ZFR: variants seen among roughly 807,000 people sequenced by gnomAD.
ZFR encodes the protein zinc finger RNA-binding protein.
Under a neutral mutation model 130.7 loss-of-function variants are expected in ZFR, and 19 were observed. The observed-to-expected ratio is 0.15, with a 90% confidence interval of 0.10 to 0.21. ZFR has a LOEUF of 0.21. Ranked by LOEUF, ZFR falls within the 10% of genes least tolerant of loss-of-function variation. The probability of loss-of-function intolerance (pLI) is 1.00; values close to 1 mark genes in which losing one functional copy is unlikely to be tolerated. For missense variants in ZFR, 872 were observed against 1,321.5 expected (o/e 0.66, Z 5.27); for synonymous variants, 466 against 456.9 (o/e 1.02, Z -0.25).
intron 2 of ZFR, among the ~76,000 whole-genome samples, chr5:32,432,300 G>A (rs967949706): frequency 6.6e-6 from 1 of 152,038 alleles, no homozygotes; most frequent in African/African-American, 2.4e-5. Context: ...TACCTTTCAG[G>A]GCAATACGGA....
intron 3 of ZFR, among the ~76,000 whole-genome samples, chr5:32,419,431 G>A (rs554005666): frequency 6.6e-6 from 1 of 152,200 alleles, no homozygotes; most frequent in Admixed American, 6.5e-5. Context: ...TCTGCCTCCT[G>A]GATTCAAGTG....
intron 2 of ZFR, among the ~76,000 whole-genome samples, chr5:32,421,412 T>C (rs1456510624): frequency 6.6e-6 from 1 of 152,164 alleles, no homozygotes; most frequent in Non-Finnish European, 1.5e-5. Context: ...AACATAGAAA[T>C]ATAGTATAGA....
chr5:32,389,922 G>A (rs1036200316), intron 12 of ZFR, among the ~76,000 whole-genome samples: 4 of 152,192 alleles, frequency 2.6e-5, no homozygotes, highest in South Asian at 2.1e-4. Context: ...AGGCCCAGGC[G>A]GACGGATCTC....
At chr5:32,374,883 CAT>C (rs977680459) in intron 17 of ZFR, among the ~76,000 whole-genome samples, 11 of 152,060 alleles carry the variant, frequency 7.2e-5, no homozygotes, top group Non-Finnish European at 1.0e-4. Flanking sequence ...GATGATGTCA[CAT>C]AAATTTTTAT....
chr5:32,355,883 T>C lies in ZFR; in HGVS notation c.3102A>G (p.Pro1034=). 1.9e-6 allele frequency: 3 copies of C among 1,611,674 alleles called. No homozygotes were observed. The highest frequency in any genetic ancestry group is 2.5e-6 in the Non-Finnish European group (3 of 1,179,240). ...TAAAACGTTGGCTCATTTGCGGTAATGGATCCATGCCTAGAACTTTGTGTA... is the reference window on the plus strand; with the variant it reads ...TAAAACGTTGGCTCATTTGCGGTAACGGATCCATGCCTAGAACTTTGTGTA... The part of the protein sequence containing the change: ...RQIHKVLGMD[P]LPQMSQRFNI... Residue 1034 remains proline (P), a synonymous_variant, in exon 20 of 20, where the codon CCA becomes CCG. Coordinates refer to ENST00000265069, the MANE Select transcript of ZFR (RefSeq NM_016107.5).
chr5:32,394,110 G>A (rs1337139216), intron 11 of ZFR, among the ~76,000 whole-genome samples: 3 of 152,178 alleles, frequency 2.0e-5, no homozygotes, highest in Admixed American at 6.5e-5. Flanking sequence ...GAAAATACGT[G>A]TATGGTATGT....
intron 17 of ZFR, among the ~76,000 whole-genome samples, chr5:32,375,119 T>TCC (rs1752770149): frequency 1.3e-5 from 2 of 152,204 alleles, no homozygotes; most frequent in Admixed American, 6.5e-5. Flanking sequence ...TTCTCATATG[T>TCC]ATGAAGAATC....
intron 2 of ZFR, among the ~76,000 whole-genome samples, chr5:32,428,879 C>G (rs1754135011): frequency 6.6e-6 from 1 of 151,824 alleles, no homozygotes; most frequent in African/African-American, 2.4e-5. Context: ...TCCGTGTTAG[C>G]AGAGACATGG....
At chr5:32,388,196 A>G (rs1412813244) in intron 13 of ZFR, among the ~76,000 whole-genome samples, 1 of 152,238 alleles carries the variant, frequency 6.6e-6, no homozygotes, top group Non-Finnish European at 1.5e-5. Flanking sequence ...GTACAACTGT[A>G]AAACTATAAT....
chr5:32,444,529 C>G, intron 1 of ZFR, 93 bp downstream of exon 1: 2 of 1,384,774 alleles, frequency 1.4e-6, no homozygotes, highest in Non-Finnish European at 1.9e-6. Context: ...CCGCCGCCTC[C>G]TCCCCGGAGC....
At chr5:32,385,893 GTC>G (rs113880491) in intron 14 of ZFR, among the ~76,000 whole-genome samples, 45 of 152,016 alleles carry the variant, frequency 3.0e-4, no homozygotes, top group Admixed American at 2.0e-3. Flanking sequence ...TTGTACATAG[GTC>G]TATCTCTCTT....
chr5:32,399,307 A>ACAAAAG (rs1169752812), intron 9 of ZFR, among the ~76,000 whole-genome samples: 1 of 151,658 alleles, frequency 6.6e-6, no homozygotes, highest in Admixed American at 6.6e-5. Flanking sequence ...AAAAACAAAA[A>ACAAAAG]CAAAAACTCT....
At chr5:32,428,598 T>G (rs1316121980) in intron 2 of ZFR, among the ~76,000 whole-genome samples, 1 of 152,166 alleles carries the variant, frequency 6.6e-6, no homozygotes, top group East Asian at 1.9e-4. Flanking sequence ...TATAGTACGT[T>G]TAGCAGTTGG....
intron 10 of ZFR, among the ~76,000 whole-genome samples, chr5:32,396,116 G>T (rs1326697221): frequency 6.6e-6 from 1 of 151,904 alleles, no homozygotes; most frequent in Non-Finnish European, 1.5e-5. Flanking sequence ...TTACTTGGGA[G>T]GCTGCGGTGG....
intron 17 of ZFR, among the ~76,000 whole-genome samples, chr5:32,367,441 TAATAAATA>T (rs1561861094): frequency 3.9e-5 from 5 of 129,262 alleles, no homozygotes; most frequent in Admixed American, 2.8e-4. Flanking sequence ...ATCTCAAAAA[TAATAAATA>T]AATAAATAAA....
chr5:32,382,953 A>G (rs189500195), intron 15 of ZFR, among the ~76,000 whole-genome samples: 14 of 152,336 alleles, frequency 9.2e-5, no homozygotes, highest in Admixed American at 5.9e-4. Context: ...GTTAATTTAT[A>G]AAAACAAAAT....
chr5:32,394,289 G>A (rs1359704347), intron 11 of ZFR: 1 of 166,540 alleles, frequency 6.0e-6, no homozygotes, highest in African/African-American at 2.4e-5. Context: ...AAAAGACAAT[G>A]GAATACTGAA....
At chr5:32,402,180 A>G (rs1581698825) in intron 8 of ZFR, among the ~76,000 whole-genome samples, 1 of 152,220 alleles carries the variant, frequency 6.6e-6, no homozygotes, top group East Asian at 1.9e-4. Context: ...GACGAGGGCC[A>G]GGGTTATAAT....
chr5:32,443,730 G>A (rs1754525908), intron 2 of ZFR, among the ~76,000 whole-genome samples: 2 of 152,256 alleles, frequency 1.3e-5, no homozygotes, highest in African/African-American at 2.4e-5. Context: ...CTGGGCTCCG[G>A]GGGTTGAAGC....
Sources: allele counts gnomAD v4.1 joint callset (sites outside exome capture counted in the v4.1 genomes callset), GRCh38; gene constraint gnomAD v4.1.1; transcripts MANE v1.5; gene names NCBI Gene and HGNC (gene_info 2026-07-23, HGNC 2026-07-21).